Variants in SHROOM3 observed in about 807,000 individuals in gnomAD.
SHROOM3 encodes the protein shroom family member 3.
Under a neutral mutation model 138.6 loss-of-function variants are expected in SHROOM3, and 47 were observed. That is an observed-to-expected ratio of 0.34 (90% CI 0.27 to 0.43). The LOEUF is 0.43. Ranked by LOEUF, SHROOM3 falls within the 20% of genes least tolerant of loss-of-function variation. The pLI is 1.00. For synonymous variants in SHROOM3, 1,062 were observed against 1,063.3 expected, an observed-to-expected ratio of 1.00 and a Z score of 0.02; for missense variants, 2,491 against 2,596.5, an observed-to-expected ratio of 0.96 and a Z score of 0.88.
At chr4:76,518,534 T>A (rs376339393) in intron 1 of SHROOM3, among the ~76,000 whole-genome samples, 94 of 150,154 alleles carry the variant, frequency 6.3e-4, no homozygotes, top group African/African-American at 2.0e-3. Flanking sequence ...CTACCTTCCT[T>A]CCTTCCTACC....
Position 76,759,692 on chromosome 4 carries a change from G to A in SHROOM3, c.5346G>A (p.Lys1782=), listed in dbSNP as rs771851331. The A allele has an allele frequency of 1.9e-6, 3 of 1,613,712 alleles. No homozygotes were observed. Among genetic ancestry groups the A allele is most frequent in the Non-Finnish European group, 2.5e-6 (3 of 1,179,806 alleles). The change falls in exon 9 of 11, where the codon AAG becomes AAA. Residue 1782 remains lysine, a synonymous_variant. Coordinates refer to ENST00000296043, the MANE Select transcript of SHROOM3 (RefSeq NM_020859.4). ...AGGAACAGGCAGATGTCAATGAAAAGAAGGTAAATAAAGAATGGGATGCCC... is the reference window on the plus strand; with the variant it reads ...AGGAACAGGCAGATGTCAATGAAAAAAAGGTAAATAAAGAATGGGATGCCC... ...EEEEQADVNE[K]KAELIGSLTH...
intron 1 of SHROOM3, among the ~76,000 whole-genome samples, chr4:76,467,648 A>T (rs1490960070): frequency 1.3e-5 from 2 of 152,186 alleles, no homozygotes; most frequent in African/African-American, 2.4e-5. Context: ...AGAGCCCCTT[A>T]CAAGTGAAGT....
intron 2 of SHROOM3, among the ~76,000 whole-genome samples, chr4:76,561,706 A>AAAG (rs1022351155): frequency 2.0e-5 from 3 of 151,070 alleles, no homozygotes; most frequent in Non-Finnish European, 4.4e-5. Flanking sequence ...AAAAAAAAAA[A>AAAG]AGAGAGAGAG....
intron 2 of SHROOM3, among the ~76,000 whole-genome samples, chr4:76,560,192 G>A (rs1167592683): frequency 6.6e-6 from 1 of 152,144 alleles, no homozygotes; most frequent in African/African-American, 2.4e-5. Flanking sequence ...TAAAATAGTT[G>A]TCCAGGGATC....
intron 1 of SHROOM3, among the ~76,000 whole-genome samples, chr4:76,439,338 T>A (rs1730622900): frequency 6.6e-6 from 1 of 152,176 alleles, no homozygotes; most frequent in African/African-American, 2.4e-5. Flanking sequence ...TATTTTAAAA[T>A]CAGCTGGTTA....
intron 2 of SHROOM3, among the ~76,000 whole-genome samples, chr4:76,655,602 G>A (rs766410130): frequency 3.9e-5 from 6 of 152,140 alleles, no homozygotes; most frequent in East Asian, 3.9e-4. Flanking sequence ...TAACCTTTCC[G>A]TCTCCAAGTC....
intron 1 of SHROOM3, among the ~76,000 whole-genome samples, chr4:76,507,391 T>G (rs1242367983): frequency 6.6e-6 from 1 of 152,192 alleles, no homozygotes; most frequent in Non-Finnish European, 1.5e-5. Context: ...TTTCTCTACA[T>G]CTTCACCAAT....
chr4:76,551,112 C>A (rs1156839976), intron 1 of SHROOM3, among the ~76,000 whole-genome samples: 1 of 151,704 alleles, frequency 6.6e-6, no homozygotes, highest in Non-Finnish European at 1.5e-5. Flanking sequence ...CCCAAGCGAT[C>A]CTCCCACCTC....
chr4:76,487,553 T>A (rs535705931), intron 1 of SHROOM3, among the ~76,000 whole-genome samples: 1 of 152,346 alleles, frequency 6.6e-6, no homozygotes, highest in African/African-American at 2.4e-5. Context: ...ATTAATGGTA[T>A]ATATCTGGCT....
intron 2 of SHROOM3, among the ~76,000 whole-genome samples, chr4:76,614,830 A>G (rs552629479): frequency 6.6e-6 from 1 of 152,342 alleles, no homozygotes; most frequent in African/African-American, 2.4e-5. Context: ...CTGGGAGTCA[A>G]ATGCCATTTG....
At chr4:76,744,067 C>G (rs1560611067) in intron 5 of SHROOM3, among the ~76,000 whole-genome samples, 1 of 152,148 alleles carries the variant, frequency 6.6e-6, no homozygotes, top group Non-Finnish European at 1.5e-5. Context: ...GTTATTTTAT[C>G]TTTCCCCCCA....
intron 9 of SHROOM3, among the ~76,000 whole-genome samples, chr4:76,760,355 C>G (rs1208181105): frequency 1.3e-5 from 2 of 152,192 alleles, no homozygotes; most frequent in African/African-American, 4.8e-5. Flanking sequence ...TGGGCTGTGT[C>G]TGCAGGGGAG....
At chr4:76,452,052 A>AC (rs1051582170) in intron 1 of SHROOM3, among the ~76,000 whole-genome samples, 1 of 152,220 alleles carries the variant, frequency 6.6e-6, no homozygotes, top group African/African-American at 2.4e-5. Context: ...AAATAACAAT[A>AC]CTGGGATCAG....
At chr4:76,621,418 T>C (rs1156981858) in intron 2 of SHROOM3, among the ~76,000 whole-genome samples, 1 of 152,232 alleles carries the variant, frequency 6.6e-6, no homozygotes, top group African/African-American at 2.4e-5. Context: ...GGAATTATTT[T>C]ACACACCTTT....
intron 2 of SHROOM3, among the ~76,000 whole-genome samples, chr4:76,598,110 C>T (rs551229606): frequency 1.1e-4 from 16 of 151,660 alleles, no homozygotes; most frequent in African/African-American, 3.1e-4. Flanking sequence ...ACTGCAAGCT[C>T]CGCCTCCTGG....
At chr4:76,720,390 A>G (rs1210686782) in intron 3 of SHROOM3, among the ~76,000 whole-genome samples, 1 of 152,062 alleles carries the variant, frequency 6.6e-6, no homozygotes, top group Non-Finnish European at 1.5e-5. Context: ...TCCTGTGAAC[A>G]TATTATAAAC....
intron 1 of SHROOM3, among the ~76,000 whole-genome samples, chr4:76,459,125 G>GT (rs1349837747): frequency 1.3e-5 from 2 of 152,126 alleles, no homozygotes; most frequent in Non-Finnish European, 2.9e-5. Context: ...GAATAGGGAT[G>GT]TTTTTTCCTA....
chr4:76,771,193 C>T (rs1722346135), intron 10 of SHROOM3, among the ~76,000 whole-genome samples: 1 of 152,098 alleles, frequency 6.6e-6, no homozygotes, highest in Non-Finnish European at 1.5e-5. Flanking sequence ...GGTGAACCAA[C>T]ATGGTGAAAC....
intron 9 of SHROOM3, among the ~76,000 whole-genome samples, chr4:76,767,364 G>A (rs868475498): frequency 6.6e-6 from 1 of 152,166 alleles, no homozygotes; most frequent in Non-Finnish European, 1.5e-5. Flanking sequence ...AAATTGATAA[G>A]CATCACACAT....
Sources: allele counts gnomAD v4.1 joint callset (sites outside exome capture counted in the v4.1 genomes callset), GRCh38; gene constraint gnomAD v4.1.1; transcripts MANE v1.5; gene names NCBI Gene and HGNC (gene_info 2026-07-23, HGNC 2026-07-21).